STK24: variants seen among roughly 807,000 people sequenced by gnomAD.
The protein encoded by STK24 is serine/threonine-protein kinase 24.
STK24 carries 21 observed loss-of-function variants against 55.6 expected under a neutral mutation model. The ratio of observed to expected loss-of-function variants is 0.38; its 90% CI spans 0.27 to 0.54. The LOEUF (loss-of-function observed/expected upper bound fraction) is 0.54. STK24 is among the 20% of genes least tolerant of loss of function. The pLI, the probability that STK24 is intolerant of heterozygous loss-of-function variation, is 0.79. For synonymous variants in STK24, 200 were observed against 215.2 expected, an observed-to-expected ratio of 0.93 and a Z score of 0.62; for missense variants, 383 against 538.4, an observed-to-expected ratio of 0.71 and a Z score of 2.86.
chr13:98,464,217 A>C (rs1359013768), intron 6 of STK24, among the ~76,000 whole-genome samples: 3 of 152,152 alleles, frequency 2.0e-5, no homozygotes, highest in Admixed American at 2.0e-4. Context: ...GGAGATCGAG[A>C]CCACCCTGGC....
intron 10 of STK24, chr13:98,456,484 G>T: frequency 2.0e-6 from 1 of 512,776 alleles, no homozygotes; most frequent in East Asian, 5.8e-5. Flanking sequence ...CGGCTTCCCA[G>T]CACACATCCA....
At chr13:98,458,186 T>TCA (rs1893546495) in intron 9 of STK24, among the ~76,000 whole-genome samples, 1 of 152,306 alleles carries the variant, frequency 6.6e-6, no homozygotes, top group Admixed American at 6.5e-5. Context: ...AACAGTGCCT[T>TCA]CAGACACTTC....
intron 1 of STK24, among the ~76,000 whole-genome samples, chr13:98,548,846 A>G (rs1036499147): frequency 1.6e-5 from 2 of 126,786 alleles, no homozygotes; most frequent in African/African-American, 6.2e-5. Flanking sequence ...CAGGCGACAG[A>G]GTGAGACTCT....
Position 98,456,820 on chromosome 13 carries a change from A to T in STK24, c.1259+348T>A, listed in dbSNP as rs1893480151. 7.5e-6 allele frequency: 3 copies of T among 402,034 alleles called. No individual in the cohort carries two copies. In the Admixed American group the frequency reaches 1.2e-4, roughly 16 times the overall value. The allele number at this position is 402,034 out of a possible 1,614,324, so 24.9% of individuals were successfully genotyped here. A position where few individuals can be genotyped will look rare whatever the true frequency, so the allele number is the denominator to read the frequency against. On this transcript the variant is annotated intron_variant, in intron 10 of 10. Transcript: ENST00000539966. ...ACTTGACTTTAAAGCCGAAAACCAG[A>T]TAGATAGTTACACACATCTGGCTAA...
At chr13:98,494,177 C>T (rs1226494430) in intron 2 of STK24, among the ~76,000 whole-genome samples, 7 of 142,866 alleles carry the variant, frequency 4.9e-5, no homozygotes, top group East Asian at 2.1e-4. Flanking sequence ...TTTGGGAGGC[C>T]GAGGCGGGTG....
At chr13:98,469,938 C>T (rs1461811318) in intron 5 of STK24, among the ~76,000 whole-genome samples, 1 of 152,220 alleles carries the variant, frequency 6.6e-6, no homozygotes, top group Non-Finnish European at 1.5e-5. Context: ...GGCATCTCTA[C>T]TACATTTTAA....
chr13:98,519,362 T>C lies in STK24; in HGVS notation c.154A>G (p.Ile52Val), dbSNP rs1317133404. ...IDNRTQKVVAIKIIDLEEAED... is the reference protein window; with the variant it reads ...IDNRTQKVVAVKIIDLEEAED... ...GCTTCTTCCAGATCAATGATCTTTA[T>C]GGCAACCACTTTCTGAGTCCGATTG... Residue 52 changes from isoleucine (I) to valine (V), a missense_variant, in exon 2 of 11, where the codon ATA becomes GTA. Physicochemically the swap from Ile to Val is conservative, Grantham distance 29 (BLOSUM62 3). Coordinates refer to ENST00000539966, the MANE Select transcript of STK24 (RefSeq NM_001032296.4). 1.9e-6 allele frequency: 3 copies of C among 1,614,148 alleles called. No homozygotes were observed. The highest frequency in any genetic ancestry group is 2.5e-6 in the Non-Finnish European group (3 of 1,180,064).
At chr13:98,527,039 C>T (rs1896449503) in intron 1 of STK24, among the ~76,000 whole-genome samples, 1 of 152,158 alleles carries the variant, frequency 6.6e-6, no homozygotes, top group Non-Finnish European at 1.5e-5. Flanking sequence ...GATACACACT[C>T]GGAAGTAGAA....
At position 98,504,117 on chromosome 13, in the gene STK24, A is replaced by C. The variant is rs191323409; in HGVS notation, c.273+15126T>G. ...GATATTTTTACTTTTAAACAGTAAA[A>C]GTGAAAGTTCATTCCTAGTTGATTT... On this transcript the variant is annotated intron_variant, in intron 2 of 10. Transcript: ENST00000539966. Among the ~76,000 whole-genome samples, 527 of 152,348 alleles carry C rather than the reference A, an allele frequency of 3.5e-3. 3 individuals are homozygous for C. Among genetic ancestry groups the C allele is most frequent in the African/African-American group, 0.012 (498 of 41,580 alleles).
intron 3 of STK24, among the ~76,000 whole-genome samples, chr13:98,480,939 G>C (rs1594595620): frequency 6.6e-6 from 1 of 152,096 alleles, no homozygotes; most frequent in Admixed American, 6.5e-5. Flanking sequence ...AGTAATACCC[G>C]TGTAGACTAT....
At chr13:98,469,269 C>A (rs1202953304) in intron 5 of STK24, among the ~76,000 whole-genome samples, 1 of 152,174 alleles carries the variant, frequency 6.6e-6, no homozygotes, top group African/African-American at 2.4e-5. Context: ...AACATGGGGG[C>A]CAGGCGCGGT....
rs569127429 is a variant in STK24, at chr13:98,542,580, T to C, written c.43-23107A>G. Among the ~76,000 whole-genome samples the C allele has an allele frequency of 5.3e-5, 8 of 152,326 alleles. No individual in the cohort carries two copies. In the East Asian group the frequency reaches 7.7e-4, roughly 15 times the overall value. On this transcript the variant is annotated intron_variant, in intron 1 of 10. Transcript: ENST00000539966. ...CAGCATATAAATATAAATGGCTTCC[T>C]AGACCCAAGAAACAGCCTACAAGGT... is the stretch of plus-strand genomic sequence containing the variant.
At chr13:98,574,371 C>T (rs746804351) in intron 1 of STK24, among the ~76,000 whole-genome samples, 3 of 152,198 alleles carry the variant, frequency 2.0e-5, no homozygotes, top group Non-Finnish European at 2.9e-5. Context: ...CCTATCAGAG[C>T]AAGCCATAGA....
At chr13:98,534,298 A>T (rs1282640449) in intron 1 of STK24, among the ~76,000 whole-genome samples, 1 of 152,232 alleles carries the variant, frequency 6.6e-6, no homozygotes, top group East Asian at 1.9e-4. Flanking sequence ...TCTAACAGTG[A>T]GAAAATGATG....
chr13:98,513,448 C>G (rs1895952928), intron 2 of STK24, among the ~76,000 whole-genome samples: 3 of 152,198 alleles, frequency 2.0e-5, no homozygotes, highest in Admixed American at 2.0e-4. Context: ...TCCACCCACA[C>G]CCCCAAGTAG....
At chr13:98,455,204 T>C (rs1893396265) in intron 10 of STK24, 1 of 152,222 alleles carries the variant, frequency 6.6e-6, no homozygotes, top group African/African-American at 2.4e-5. Flanking sequence ...TTTCACTTCT[T>C]TTTGCTTTTT....
At chr13:98,504,696 G>C (rs1221909975) in intron 2 of STK24, among the ~76,000 whole-genome samples, 1 of 152,198 alleles carries the variant, frequency 6.6e-6, no homozygotes, top group East Asian at 1.9e-4. Flanking sequence ...TCAACCAGGA[G>C]GAAGCTGCTA....
At chr13:98,569,958 C>T (rs189676126) in intron 1 of STK24, among the ~76,000 whole-genome samples, 1 of 150,880 alleles carries the variant, frequency 6.6e-6, no homozygotes, top group Admixed American at 6.6e-5. Flanking sequence ...CTCACTGCAA[C>T]CTCCGCCTCC....
chr13:98,570,178 C>G (rs745672038), intron 1 of STK24, among the ~76,000 whole-genome samples: 5 of 152,110 alleles, frequency 3.3e-5, no homozygotes, highest in Non-Finnish European at 4.4e-5. Context: ...CGCCCCCGGT[C>G]AATTTTTTAA....
Sources: allele counts gnomAD v4.1 joint callset (sites outside exome capture counted in the v4.1 genomes callset), GRCh38; gene constraint gnomAD v4.1.1; transcripts MANE v1.5; gene names NCBI Gene and HGNC (gene_info 2026-07-23, HGNC 2026-07-21).